Variants in AGAP1 observed in about 807,000 individuals in gnomAD.
The protein encoded by AGAP1 is arf-GAP with GTPase, ANK repeat and PH domain-containing protein 1.
AGAP1 carries 29 observed loss-of-function variants against 105.3 expected under a neutral mutation model. The observed-to-expected ratio is 0.28, with a 90% CI of 0.21 to 0.38. The LOEUF (loss-of-function observed/expected upper bound fraction) is 0.38, where lower values mean the gene tolerates loss of function less well. Among genes scored for constraint, AGAP1 ranks in the 10% least tolerant of loss-of-function variants. The pLI is 1.00. For missense variants in AGAP1, 998 were observed against 1,165.1 expected (o/e 0.86, Z 2.09); for synonymous variants, 509 against 485.9 (o/e 1.05, Z -0.63).
At chr2:235,674,004 A>T (rs1948585795) in intron 1 of AGAP1, among the ~76,000 whole-genome samples, 1 of 152,244 alleles carries the variant, frequency 6.6e-6, no homozygotes, top group Non-Finnish European at 1.5e-5. Flanking sequence ...AAGCACACAC[A>T]GGCTCCTACA....
rs1282409790 is a variant in AGAP1, at chr2:235,981,866, C to G, written c.1645+13243C>G. ...TAACACATCTCCACGGTGACCTTCC[C>G]TTCCCTTGGAAGGGGGCGCTTGTCT... On this transcript the variant is annotated intron_variant, in intron 13 of 17. Coordinates refer to ENST00000304032, the MANE Select transcript of AGAP1 (RefSeq NM_001037131.3). This position sits in a 1 kb window ranked among gnomAD's most constrained non-coding sequence, Gnocchi z 5.5. Among the ~76,000 whole-genome samples the G allele has an allele frequency of 6.6e-6, 1 of 152,212 alleles. No individual in the cohort carries two copies. Among genetic ancestry groups the G allele is most frequent in the Non-Finnish European group, 1.5e-5 (1 of 68,036 alleles).
At chr2:235,590,196 C>G (rs922920331) in intron 1 of AGAP1, among the ~76,000 whole-genome samples, 3 of 152,158 alleles carry the variant, frequency 2.0e-5, no homozygotes, top group Admixed American at 2.0e-4. Context: ...TTTTCTCTCA[C>G]TGTTACTGTC....
chr2:235,590,715 A>ATT lies in AGAP1; in HGVS notation c.163+95888_163+95889dup, dbSNP rs67076321. Among the ~76,000 whole-genome samples, 436 of 53,656 alleles carry ATT rather than the reference A, an allele frequency of 8.1e-3. 19 individuals are homozygous for ATT. Among genetic ancestry groups the ATT allele is most frequent in the East Asian group, 0.057 (97 of 1,702 alleles). The allele number at this position is 53,656 out of a possible 152,430, so 35.2% of individuals were successfully genotyped here. The stretch of plus-strand genomic sequence containing the variant: ...TGCGTGTGTGTGTGTGTGTGTGTGC[A>ATT]TTTTTTTTTTTTTTTTTTTTTTTGA... On this transcript the variant is annotated intron_variant, in intron 1 of 17. Transcript: ENST00000304032.
chr2:235,778,953 C>T (rs1479026755), intron 6 of AGAP1, among the ~76,000 whole-genome samples: 1 of 152,244 alleles, frequency 6.6e-6, no homozygotes, highest in African/African-American at 2.4e-5. Flanking sequence ...GATCAACTGA[C>T]TTCCCTCACC....
rs1450235948 is a variant in AGAP1 at position 235,664,066 on chromosome 2, G to T, written c.164-45113G>T. ...CTGAATGGTCGATGGGAGCTCCTTT[G>T]GTGACTCCGTAGCTGTGGCCAGTGC... On this transcript the variant is annotated intron_variant, in intron 1 of 17. Transcript: ENST00000304032. The surrounding 1 kb of genome is among the most constrained non-coding windows in gnomAD (Gnocchi z 5.7). Among the ~76,000 whole-genome samples the T allele has an allele frequency of 6.6e-6, 1 of 152,184 alleles. No homozygotes were observed. The highest frequency in any genetic ancestry group is 1.9e-4 in the East Asian group (1 of 5,190).
Position 236,118,015 on chromosome 2 carries a change from G to A in AGAP1, c.2115-2177G>A, listed in dbSNP as rs116813596. ...GGGGTCACTCTGGGGTCACTCACATGTACCAGGAAGTGAAGCAAAACTAAT... is the reference window on the plus strand; with the variant it reads ...GGGGTCACTCTGGGGTCACTCACATATACCAGGAAGTGAAGCAAAACTAAT... On this transcript the variant is annotated intron_variant, in intron 16 of 17. Transcript: ENST00000304032. 5.6e-3 allele frequency among the ~76,000 whole-genome samples: 855 copies of A among 152,240 alleles called. 4 individuals carry two copies. The highest frequency in any genetic ancestry group is 0.019 in the African/African-American group (803 of 41,534).
rs1574854772 is a variant in AGAP1 at position 235,563,944 on chromosome 2, T to C, written c.163+69095T>C. Reference sequence around the variant, plus strand: ...ACATGGCTATCAGTGGGAAGCTGGGTGGGGGGTGTGGACAGGTCTGTGATT... The same window carrying C: ...ACATGGCTATCAGTGGGAAGCTGGGCGGGGGGTGTGGACAGGTCTGTGATT... On this transcript the variant is annotated intron_variant, in intron 1 of 17. Coordinates refer to ENST00000304032, the MANE Select transcript of AGAP1 (RefSeq NM_001037131.3). 2.6e-5 allele frequency among the ~76,000 whole-genome samples: 4 copies of C among 152,058 alleles called. No homozygotes were observed. The South Asian group carries it at 6.2e-4, about 24-fold the overall frequency.
rs539533053 is a variant in AGAP1 at position 235,792,170 on chromosome 2, G to A, written c.674-5589G>A. On this transcript the variant is annotated intron_variant, in intron 6 of 17. Transcript: ENST00000304032. This position sits in a 1 kb window ranked among gnomAD's most constrained non-coding sequence, Gnocchi z 5.3. ...TAGCAGAGGAACCCTCTTCCCAAAC[G>A]TGGGCTTGATTTACACCGAGTCATT... Among the ~76,000 whole-genome samples, 6 of 152,198 alleles carry A rather than the reference G, an allele frequency of 3.9e-5. No individual in the cohort carries two copies. Among genetic ancestry groups the A allele is most frequent in the African/African-American group, 2.4e-5 (1 of 41,512 alleles).
chr2:236,108,380 TC>T (rs1195761997), intron 16 of AGAP1, among the ~76,000 whole-genome samples: 5 of 152,164 alleles, frequency 3.3e-5, no homozygotes, highest in Admixed American at 2.6e-4. Context: ...CCTCTGCCCT[TC>T]CTCTCCTCCT....
chr2:235,590,622 ATTTT>A (rs1945292968), intron 1 of AGAP1, among the ~76,000 whole-genome samples: 1 of 133,096 alleles, frequency 7.5e-6, no homozygotes, highest in Admixed American at 7.6e-5. Flanking sequence ...TAGGCCACTC[ATTTT>A]TGTTTTTGTT....
At chr2:236,112,434 C>T (rs981292478) in intron 16 of AGAP1, among the ~76,000 whole-genome samples, 5 of 151,490 alleles carry the variant, frequency 3.3e-5, no homozygotes, top group Admixed American at 1.3e-4. Flanking sequence ...AAAAGGAAAA[C>T]GAAAGAAAAG....
At chr2:235,998,790 G>C (rs1469011591) in intron 13 of AGAP1, among the ~76,000 whole-genome samples, 3 of 151,114 alleles carry the variant, frequency 2.0e-5, no homozygotes, top group Non-Finnish European at 4.4e-5. Context: ...AGGGGGTTGT[G>C]ACAGTGGTGG....
In AGAP1 at chr2:236,036,427, G is replaced by C; in HGVS notation, c.1646-134G>C. On this transcript the variant is annotated intron_variant, in intron 13 of 17. Coordinates refer to ENST00000304032, the MANE Select transcript of AGAP1 (RefSeq NM_001037131.3). This position sits in a 1 kb window ranked among gnomAD's most constrained non-coding sequence, Gnocchi z 5.7. ...ATGGATTCAAATCTCCGCCGCCGTGGTTGTCCAGTGCCGTGCGCCTCACCG... is the reference window on the plus strand; with the variant it reads ...ATGGATTCAAATCTCCGCCGCCGTGCTTGTCCAGTGCCGTGCGCCTCACCG... The C allele has an allele frequency of 8.4e-7, 1 of 1,194,508 alleles. No individual in the cohort carries two copies. The highest frequency in any genetic ancestry group is 1.2e-6 in the Non-Finnish European group (1 of 850,746). 74.0% of individuals were successfully genotyped at this position (1,194,508 alleles called of 1,614,324 possible).
At chr2:235,797,305 T>G (rs1957286194) in intron 6 of AGAP1, among the ~76,000 whole-genome samples, 2 of 152,158 alleles carry the variant, frequency 1.3e-5, no homozygotes, top group Non-Finnish European at 2.9e-5. Context: ...TGTGCAGGGC[T>G]GCTGAGGCCT....
chr2:235,878,162 A>C (rs949107643), intron 9 of AGAP1, among the ~76,000 whole-genome samples: 1 of 152,212 alleles, frequency 6.6e-6, no homozygotes, highest in Non-Finnish European at 1.5e-5. Flanking sequence ...TAAGATCCAT[A>C]GGAGGGCAGG....
At position 235,623,666 on chromosome 2, in the gene AGAP1, A is replaced by G. The variant is rs1198587527; in HGVS notation, c.164-85513A>G. 1.3e-5 allele frequency among the ~76,000 whole-genome samples: 2 copies of G among 152,022 alleles called. No individual in the cohort carries two copies. Among genetic ancestry groups the G allele is most frequent in the Non-Finnish European group, 2.9e-5 (2 of 68,014 alleles). ...CAGGTCTGTGATGCAGTTGCCATAT[A>G]TTTTTTGACTTTTGGATCTTCACTC... On this transcript the variant is annotated intron_variant, in intron 1 of 17. Coordinates refer to ENST00000304032, the MANE Select transcript of AGAP1 (RefSeq NM_001037131.3). The surrounding 1 kb of genome is among the most constrained non-coding windows in gnomAD (Gnocchi z 4.5).
chr2:235,885,141 C>T (rs1175190018), intron 10 of AGAP1, among the ~76,000 whole-genome samples: 1 of 152,190 alleles, frequency 6.6e-6, no homozygotes, highest in Non-Finnish European at 1.5e-5. Flanking sequence ...CCTGACTTCA[C>T]ATTTTAGGGT....
chr2:235,614,905 A>G lies in AGAP1; in HGVS notation c.164-94274A>G, dbSNP rs927612287. Among the ~76,000 whole-genome samples, 6 of 152,182 alleles carry G rather than the reference A, an allele frequency of 3.9e-5. No individual in the cohort carries two copies. The highest frequency in any genetic ancestry group is 1.2e-4 in the African/African-American group (5 of 41,448). Reference sequence around the variant, plus strand: ...TACTCAGGGCCCAATGCCGTATGTGATATTTTACAACAAATTTGGTTCACT... The same window carrying G: ...TACTCAGGGCCCAATGCCGTATGTGGTATTTTACAACAAATTTGGTTCACT... On this transcript the variant is annotated intron_variant, in intron 1 of 17. Coordinates refer to ENST00000304032, the MANE Select transcript of AGAP1 (RefSeq NM_001037131.3). The surrounding 1 kb of genome is among the most constrained non-coding windows in gnomAD (Gnocchi z 4.7).
In AGAP1 at chr2:236,061,918, T is replaced by A; in HGVS notation, c.2114+12637T>A. 6.8e-6 allele frequency among the ~76,000 whole-genome samples: 1 copy of A among 146,972 alleles called. No homozygotes were observed. The highest frequency in any genetic ancestry group is 1.5e-5 in the Non-Finnish European group (1 of 67,316). On this transcript the variant is annotated intron_variant, in intron 16 of 17. Transcript: ENST00000304032. The surrounding 1 kb of genome is among the most constrained non-coding windows in gnomAD (Gnocchi z 4.1). Reference sequence around the variant, plus strand: ...AAAGGAATTTCCAAAGGAAAACAGATGAGCCAGGGCGTTCCACAAAGAGCA... The same window carrying A: ...AAAGGAATTTCCAAAGGAAAACAGAAGAGCCAGGGCGTTCCACAAAGAGCA...
Sources: gnomAD v4.1 joint callset for allele counts (sites outside exome capture counted in the v4.1 genomes callset) on GRCh38, gnomAD v4.1.1 for gene constraint, Gnocchi (gnomAD v3.1) non-coding constraint, MANE v1.5 for transcripts, NCBI Gene and HGNC (gene_info 2026-07-23, HGNC 2026-07-21) for gene names.